The following MYT1L variants were observed in gnomAD, a reference collection of about 807,000 sequenced individuals.
The protein encoded by MYT1L is myelin transcription factor 1-like protein.
Under a neutral mutation model 126.7 loss-of-function variants are expected in MYT1L, and 12 were observed. The ratio of observed to expected loss-of-function variants is 0.09; its 90% confidence interval spans 0.06 to 0.15. MYT1L has a LOEUF of 0.15. MYT1L is among the 10% of genes least tolerant of loss of function. The pLI, the probability that MYT1L is intolerant of heterozygous loss-of-function variation, is 1.00. For missense variants in MYT1L, 979 were observed against 1,585.2 expected (o/e 0.62, Z 6.49); for synonymous variants, 541 against 604.2 (o/e 0.90, Z 1.53).
chr2:2,010,632 G>A (rs1389745775), intron 4 of MYT1L, among the ~76,000 whole-genome samples: 1 of 152,122 alleles, frequency 6.6e-6, no homozygotes, highest in Non-Finnish European at 1.5e-5. Flanking sequence ...GGGATGTTCT[G>A]TCATTTAAAG....
chr2:2,210,340 T>C lies in MYT1L; in HGVS notation c.-420-37352A>G, dbSNP rs567372649. On this transcript the variant is annotated intron_variant, in intron 2 of 24. Coordinates refer to ENST00000647738, the MANE Select transcript of MYT1L (RefSeq NM_001303052.2). ...TTGCCCAGACCAATATCCTAGAGCA[T>C]TTCCCCAATGCTTTCTTGTAGCTAT... Among the ~76,000 whole-genome samples, 4 of 152,314 alleles carry C rather than the reference T, an allele frequency of 2.6e-5. No individual in the cohort carries two copies. In the South Asian group the frequency reaches 8.3e-4, roughly 32 times the overall value.
chr2:1,987,180 G>A (rs1272194942), intron 5 of MYT1L, among the ~76,000 whole-genome samples: 3 of 152,108 alleles, frequency 2.0e-5, no homozygotes, highest in Admixed American at 1.3e-4. Context: ...GGGCTGGGGG[G>A]TACCCGAACA....
chr2:2,262,938 T>TTATATATATATATATATATATA (rs2095021239), intron 2 of MYT1L, among the ~76,000 whole-genome samples: 1 of 37,960 alleles, frequency 2.6e-5, no homozygotes, highest in Admixed American at 2.4e-4. Flanking sequence ...ATATAACCTG[T>TTATATATATATATATATATATA]GATATATATA....
chr2:1,979,195 T>G lies in MYT1L; in HGVS notation c.122A>C (p.His41Pro). 1 of 1,613,956 alleles carries G rather than the reference T, an allele frequency of 6.2e-7. No individual in the cohort carries two copies. The highest frequency in any genetic ancestry group is 1.1e-5 in the South Asian group (1 of 91,016). Residue 41 changes from histidine to proline, a missense_variant, in exon 8 of 25, where the codon CAT becomes CCT. By Grantham distance (77) the His-to-Pro change is moderately conservative. Coordinates refer to ENST00000647738, the MANE Select transcript of MYT1L (RefSeq NM_001303052.2). The surrounding 1 kb of genome is among the most constrained non-coding windows in gnomAD (Gnocchi z 4.0). The part of the protein sequence containing the change: ...CPTPGCDGSG[H>P]VSGKYARHRS... Reference sequence around the variant, plus strand: ...GTGTCTTGCATATTTGCCACTGACATGACCACTGCCGTCACAGCCAGGGGT... The same window carrying G: ...GTGTCTTGCATATTTGCCACTGACAGGACCACTGCCGTCACAGCCAGGGGT...
rs550237985 is a variant in MYT1L at position 2,200,802 on chromosome 2, G to A, written c.-420-27814C>T. On this transcript the variant is annotated intron_variant, in intron 2 of 24. Transcript: ENST00000647738. ...GTTGCGCTCATGGCTGTTCGGCTCC[G>A]GTGTGTTGCTGAAGAGCTCTCACGC... is the stretch of plus-strand genomic sequence containing the variant. Among the ~76,000 whole-genome samples, 13 of 152,284 alleles carry A rather than the reference G, an allele frequency of 8.5e-5. No individual in the cohort carries two copies. The East Asian group carries it at 1.9e-3, about 23-fold the overall frequency.
chr2:2,323,033 A>C (rs775202114), intron 1 of MYT1L, among the ~76,000 whole-genome samples: 2 of 152,226 alleles, frequency 1.3e-5, no homozygotes, highest in African/African-American at 2.4e-5. Flanking sequence ...AAAAAACAAT[A>C]GATAATTTAC....
At chr2:2,012,690 C>T (rs926253836) in intron 4 of MYT1L, among the ~76,000 whole-genome samples, 26 of 152,148 alleles carry the variant, frequency 1.7e-4, no homozygotes, top group African/African-American at 4.8e-4. Flanking sequence ...TGAAATCTCC[C>T]GCCCTCCAGT....
chr2:1,822,810 CT>C (rs890127099), intron 21 of MYT1L, among the ~76,000 whole-genome samples: 11 of 73,434 alleles, frequency 1.5e-4, no homozygotes, highest in South Asian at 8.4e-4. Context: ...CTCACCAGGG[CT>C]GCTGTGTCCA....
intron 5 of MYT1L, among the ~76,000 whole-genome samples, chr2:1,987,426 C>T (rs1044092308): frequency 6.6e-6 from 1 of 151,676 alleles, no homozygotes; most frequent in South Asian, 2.1e-4. Context: ...GGAGGTGCAG[C>T]GTTTCCATGG....
chr2:1,862,076 T>A (rs2044757880), intron 18 of MYT1L, among the ~76,000 whole-genome samples: 1 of 152,154 alleles, frequency 6.6e-6, no homozygotes, highest in South Asian at 2.1e-4. Context: ...CGTGCCCCTA[T>A]CCTCTTGTTT....
intron 18 of MYT1L, among the ~76,000 whole-genome samples, chr2:1,854,539 G>A (rs1025133007): frequency 2.0e-5 from 3 of 152,088 alleles, no homozygotes; most frequent in Non-Finnish European, 4.4e-5. Flanking sequence ...ATCAAATTAG[G>A]TTTCAGTAAA....
At chr2:2,181,915 G>A (rs1258334793) in intron 2 of MYT1L, among the ~76,000 whole-genome samples, 2 of 152,164 alleles carry the variant, frequency 1.3e-5, no homozygotes, top group Non-Finnish European at 2.9e-5. Flanking sequence ...TATTTTCAGA[G>A]AGAAACTGAG....
intron 1 of MYT1L, among the ~76,000 whole-genome samples, chr2:2,295,611 G>GACAGAGAGAGAGAGAGAGAGAGACAGAC: frequency 9.3e-6 from 1 of 107,376 alleles, no homozygotes; most frequent in African/African-American, 3.4e-5. Flanking sequence ...GAGACAGACA[G>GACAGAGAGAGAGAGAGAGAGAGACAGAC]AGAGAGAGAG....
At chr2:1,965,836 G>C (rs1047812237) in intron 8 of MYT1L, among the ~76,000 whole-genome samples, 4 of 152,230 alleles carry the variant, frequency 2.6e-5, no homozygotes, top group Admixed American at 1.3e-4. Flanking sequence ...GCCCTGTCTG[G>C]GCAGCGGACA....
intron 3 of MYT1L, among the ~76,000 whole-genome samples, chr2:2,065,610 CATGTCT>C (rs1465944916): frequency 1.3e-5 from 2 of 152,138 alleles, no homozygotes; most frequent in East Asian, 1.9e-4. Context: ...AAAGGGAGCA[CATGTCT>C]ACCCCGCACT....
At chr2:2,087,119 C>T (rs1043550740) in intron 3 of MYT1L, among the ~76,000 whole-genome samples, 27 of 152,294 alleles carry the variant, frequency 1.8e-4, no homozygotes, top group African/African-American at 6.0e-4. Context: ...CGTGACACCA[C>T]GGTCAGAGCC....
intron 2 of MYT1L, among the ~76,000 whole-genome samples, chr2:2,227,675 T>C (rs775697561): frequency 5.9e-5 from 9 of 152,184 alleles, no homozygotes; most frequent in Non-Finnish European, 1.2e-4. Flanking sequence ...AAAAACTCTT[T>C]CTTTTTGGGG....
chr2:1,831,954 C>G (rs1269940420), intron 21 of MYT1L, among the ~76,000 whole-genome samples: 1 of 152,090 alleles, frequency 6.6e-6, no homozygotes, highest in Non-Finnish European at 1.5e-5. Context: ...TCCCGAGGCC[C>G]GTTACCAGCT....
At chr2:2,217,688 C>CAAAAAAAAAAAAAAAAAA (rs1192733884) in intron 2 of MYT1L, among the ~76,000 whole-genome samples, 1 of 70,878 alleles carries the variant, frequency 1.4e-5, no homozygotes, top group African/African-American at 7.9e-5. Flanking sequence ...ACAACAACAA[C>CAAAAAAAAAAAAAAAAAA]AACAACAACA....
Sources: allele counts gnomAD v4.1 joint callset (sites outside exome capture counted in the v4.1 genomes callset), GRCh38; gene constraint gnomAD v4.1.1; non-coding constraint Gnocchi (gnomAD v3.1); transcripts MANE v1.5; gene names NCBI Gene and HGNC (gene_info 2026-07-23, HGNC 2026-07-21).